Variants in CDH18 observed in about 807,000 individuals in gnomAD.
CDH18 encodes the protein cadherin-18.
Under a neutral mutation model 67.9 loss-of-function variants are expected in CDH18, and 31 were observed. The ratio of observed to expected loss-of-function variants is 0.46; its 90% CI spans 0.34 to 0.62. The LOEUF is 0.62. Among genes scored for constraint, CDH18 ranks in the 20% least tolerant of loss-of-function variants. The pLI is 0.01. For missense variants in CDH18, 890 were observed against 975.5 expected (o/e 0.91, Z 1.17); for synonymous variants, 362 against 347.2 (o/e 1.04, Z -0.48).
intron 1 of CDH18, among the ~76,000 whole-genome samples, chr5:19,983,943 A>C (rs1044237052): frequency 6.6e-6 from 1 of 152,162 alleles, no homozygotes; most frequent in Non-Finnish European, 1.5e-5. Context: ...TGGTAGGGAC[A>C]CCCACCAATT....
At chr5:19,867,215 T>C (rs1160698888) in intron 2 of CDH18, among the ~76,000 whole-genome samples, 2 of 152,148 alleles carry the variant, frequency 1.3e-5, no homozygotes, top group Admixed American at 6.6e-5. Context: ...ACAGAAAATA[T>C]CAGATTTTAT....
intron 2 of CDH18, among the ~76,000 whole-genome samples, chr5:20,131,919 CT>C (rs1337383309): frequency 1.1e-4 from 17 of 151,966 alleles, no homozygotes; most frequent in African/African-American, 3.6e-4. Context: ...TGAAGTTTCA[CT>C]CTTGTTGTCT....
intron 1 of CDH18, among the ~76,000 whole-genome samples, chr5:20,344,814 G>T (rs953923954): frequency 6.6e-6 from 1 of 152,052 alleles, no homozygotes; most frequent in Non-Finnish European, 1.5e-5. Flanking sequence ...TCAATGTGAA[G>T]AAATTAGAGA....
intron 5 of CDH18, among the ~76,000 whole-genome samples, chr5:19,698,934 T>C (rs1762872590): frequency 1.3e-5 from 2 of 152,080 alleles, no homozygotes. Flanking sequence ...CTTAGGATGT[T>C]TGTGGCAGTC....
At chr5:19,832,718 AG>A (rs1454176766) in intron 3 of CDH18, among the ~76,000 whole-genome samples, 1 of 152,124 alleles carries the variant, frequency 6.6e-6, no homozygotes, top group Non-Finnish European at 1.5e-5. Context: ...GGTGTAAGGA[AG>A]GGGTCCGGTT....
chr5:19,726,298 C>T (rs1037517867), intron 4 of CDH18, among the ~76,000 whole-genome samples: 1 of 152,178 alleles, frequency 6.6e-6, no homozygotes, highest in Non-Finnish European at 1.5e-5. Flanking sequence ...TATATAGTAA[C>T]TCTCTGCCCT....
At chr5:20,515,123 G>A (rs189056271) in intron 1 of CDH18, among the ~76,000 whole-genome samples, 1 of 151,940 alleles carries the variant, frequency 6.6e-6, no homozygotes, top group East Asian at 1.9e-4. Context: ...TGTAAATATT[G>A]TTGAATGCAT....
intron 10 of CDH18, among the ~76,000 whole-genome samples, chr5:19,518,518 A>C (rs1353375077): frequency 6.6e-6 from 1 of 152,144 alleles, no homozygotes; most frequent in African/African-American, 2.4e-5. Flanking sequence ...GGCACCATCT[A>C]ATCAGCTGCC....
chr5:19,617,433 C>T (rs959838071), intron 5 of CDH18, among the ~76,000 whole-genome samples: 1 of 152,164 alleles, frequency 6.6e-6, no homozygotes, highest in African/African-American at 2.4e-5. Flanking sequence ...ACTAAGGGAA[C>T]ACTGTGTAGC....
At chr5:19,602,960 C>T (rs1322083458) in intron 6 of CDH18, among the ~76,000 whole-genome samples, 1 of 81,784 alleles carries the variant, frequency 1.2e-5, no homozygotes, top group African/African-American at 4.3e-5. Flanking sequence ...AGCGAAACTC[C>T]ATCTCAAAAA....
chr5:19,651,912 T>C (rs1179938084), intron 5 of CDH18, among the ~76,000 whole-genome samples: 1 of 152,040 alleles, frequency 6.6e-6, no homozygotes, highest in Non-Finnish European at 1.5e-5. Context: ...TTTCCTCATT[T>C]AGAAAATAAA....
intron 2 of CDH18, among the ~76,000 whole-genome samples, chr5:20,164,140 T>G (rs4588601): frequency 0.3 from 46,055 of 152,084 alleles, 7,618 homozygotes; most frequent in Non-Finnish European, 0.37. Context: ...GCTACTTTTA[T>G]TGGATCATGT....
At chr5:19,903,979 A>T (rs1473482935) in intron 2 of CDH18, among the ~76,000 whole-genome samples, 1 of 152,040 alleles carries the variant, frequency 6.6e-6, no homozygotes, top group East Asian at 1.9e-4. Context: ...AGCGTATACG[A>T]AATCAGACAT....
chr5:20,018,677 A>C (rs1246800925), intron 2 of CDH18, among the ~76,000 whole-genome samples: 1 of 152,220 alleles, frequency 6.6e-6, no homozygotes, highest in Non-Finnish European at 1.5e-5. Context: ...GAAAGTGAGA[A>C]GAATCAGGAT....
intron 1 of CDH18, among the ~76,000 whole-genome samples, chr5:20,460,306 C>T (rs535533814): frequency 1.4e-3 from 208 of 151,900 alleles, no homozygotes; most frequent in Non-Finnish European, 2.6e-3. Flanking sequence ...GCAGGAGAAT[C>T]GCTTAAACCC....
At chr5:20,504,575 A>G (rs910296251) in intron 1 of CDH18, among the ~76,000 whole-genome samples, 4 of 152,284 alleles carry the variant, frequency 2.6e-5, no homozygotes, top group Middle Eastern at 3.4e-3. Flanking sequence ...GTACATATAG[A>G]ATCATGCAAA....
intron 2 of CDH18, among the ~76,000 whole-genome samples, chr5:20,124,932 G>A (rs906204657): frequency 2.6e-5 from 4 of 152,030 alleles, no homozygotes; most frequent in Admixed American, 2.0e-4. Context: ...TATTTGTAAT[G>A]GTCCTGGATA....
chr5:19,474,777 C>G (rs1246584818), intron 12 of CDH18, among the ~76,000 whole-genome samples: 1 of 152,070 alleles, frequency 6.6e-6, no homozygotes, highest in Non-Finnish European at 1.5e-5. Context: ...TAGGATAGCT[C>G]TTGCTAAATA....
chr5:20,548,470 C>T (rs900142416), intron 1 of CDH18, among the ~76,000 whole-genome samples: 3 of 118,054 alleles, frequency 2.5e-5, no homozygotes, highest in Admixed American at 8.6e-5. Flanking sequence ...TGTGTGTATA[C>T]ACACACACAA....
Sources: allele counts gnomAD v4.1 joint callset (sites outside exome capture counted in the v4.1 genomes callset), GRCh38; gene constraint gnomAD v4.1.1; transcripts MANE v1.5; gene names NCBI Gene and HGNC (gene_info 2026-07-23, HGNC 2026-07-21).